Variants in ROBO1 observed in about 807,000 individuals in gnomAD.
ROBO1 encodes the protein roundabout homolog 1.
ROBO1 carries 149 observed loss-of-function variants against 195.9 expected under a neutral mutation model. That is an observed-to-expected ratio of 0.76 (90% CI 0.67 to 0.87). The LOEUF is 0.87. ROBO1 is among the 40% of genes least tolerant of loss of function. The pLI is 0.00. For missense variants in ROBO1, 1,933 were observed against 2,068.3 expected (o/e 0.93, Z 1.27); for synonymous variants, 816 against 733.2 (o/e 1.11, Z -1.82).
intron 2 of ROBO1, among the ~76,000 whole-genome samples, chr3:79,286,533 A>G (rs145673735): frequency 9.6e-4 from 146 of 152,268 alleles, no homozygotes; most frequent in Middle Eastern, 3.4e-3. Context: ...CTGGAAGCTT[A>G]TTTCTACTCA....
chr3:79,013,165 G>A (rs1344251679), intron 3 of ROBO1, among the ~76,000 whole-genome samples: 1 of 152,060 alleles, frequency 6.6e-6, no homozygotes, highest in African/African-American at 2.4e-5. Context: ...AACCACAGGG[G>A]AAATGATTGT....
At chr3:79,635,615 G>T (rs1560057866) in intron 1 of ROBO1, among the ~76,000 whole-genome samples, 1 of 152,090 alleles carries the variant, frequency 6.6e-6, no homozygotes, top group African/African-American at 2.4e-5. Context: ...GTGAAAGAAA[G>T]TTATTTTCCT....
intron 2 of ROBO1, among the ~76,000 whole-genome samples, chr3:79,238,852 G>T (rs937245600): frequency 5.9e-5 from 9 of 152,130 alleles, no homozygotes; most frequent in African/African-American, 2.2e-4. Context: ...TTTAGATTCT[G>T]TTTTCTGTCA....
At chr3:79,251,664 T>C (rs1161104150) in intron 2 of ROBO1, among the ~76,000 whole-genome samples, 1 of 152,010 alleles carries the variant, frequency 6.6e-6, no homozygotes, top group Non-Finnish European at 1.5e-5. Context: ...GGCAGGAGAA[T>C]CCCTTGAACC....
chr3:79,716,913 A>G (rs1220950696), intron 1 of ROBO1, among the ~76,000 whole-genome samples: 1 of 152,016 alleles, frequency 6.6e-6, no homozygotes, highest in Non-Finnish European at 1.5e-5. Context: ...AATAAACTAT[A>G]TAAATATTAC....
At chr3:79,452,328 A>G (rs184240394) in intron 2 of ROBO1, among the ~76,000 whole-genome samples, 1 of 152,108 alleles carries the variant, frequency 6.6e-6, no homozygotes, top group Admixed American at 6.6e-5. Flanking sequence ...CACCACTCAT[A>G]TCCACTTTCA....
intron 3 of ROBO1, among the ~76,000 whole-genome samples, chr3:79,123,224 T>G (rs979455821): frequency 6.6e-6 from 1 of 151,962 alleles, no homozygotes; most frequent in Non-Finnish European, 1.5e-5. Context: ...CCTGGACAGA[T>G]AGGCCATCTC....
intron 29 of ROBO1, among the ~76,000 whole-genome samples, chr3:78,603,499 G>GCTT (rs1249493774): frequency 6.6e-6 from 1 of 152,014 alleles, no homozygotes; most frequent in East Asian, 1.9e-4. Flanking sequence ...CAAGGTTTAT[G>GCTT]CTTATACATA....
intron 3 of ROBO1, among the ~76,000 whole-genome samples, chr3:79,009,893 G>A (rs1367440922): frequency 6.6e-6 from 1 of 152,108 alleles, no homozygotes; most frequent in East Asian, 1.9e-4. Context: ...TCTCTCTAAG[G>A]ACAATTCTAC....
chr3:79,642,397 A>G (rs923065361), intron 1 of ROBO1, among the ~76,000 whole-genome samples: 1 of 152,196 alleles, frequency 6.6e-6, no homozygotes, highest in Non-Finnish European at 1.5e-5. Context: ...AAACTTGAGA[A>G]AGAGATAAAT....
chr3:78,777,530 T>A (rs2083541665), intron 4 of ROBO1, among the ~76,000 whole-genome samples: 2 of 152,178 alleles, frequency 1.3e-5, no homozygotes, highest in South Asian at 4.1e-4. Context: ...TTCATATTTG[T>A]TTGTAGTTGA....
intron 1 of ROBO1, among the ~76,000 whole-genome samples, chr3:79,688,742 C>G (rs1947210627): frequency 1.3e-5 from 2 of 151,896 alleles, no homozygotes; most frequent in Non-Finnish European, 2.9e-5. Context: ...TTGGGACTGA[C>G]AGAAGTTTTA....
intron 2 of ROBO1, among the ~76,000 whole-genome samples, chr3:79,129,977 G>C (rs1287187262): frequency 8.6e-6 from 1 of 116,524 alleles, no homozygotes; most frequent in South Asian, 3.4e-4. Flanking sequence ...GTTTGTCAAA[G>C]ATCAGATAGT....
At chr3:78,849,125 G>T (rs1036224033) in intron 4 of ROBO1, among the ~76,000 whole-genome samples, 3 of 152,146 alleles carry the variant, frequency 2.0e-5, no homozygotes, top group Non-Finnish European at 2.9e-5. Flanking sequence ...GGAATTCCGT[G>T]AGTGGAGTAG....
intron 2 of ROBO1, among the ~76,000 whole-genome samples, chr3:79,560,517 A>T (rs1330236431): frequency 7.2e-6 from 1 of 138,324 alleles, no homozygotes; most frequent in Admixed American, 7.4e-5. Context: ...CCTAAAACTT[A>T]AAGTATAATA....
chr3:78,947,049 C>T (rs955508016), intron 3 of ROBO1, among the ~76,000 whole-genome samples: 24 of 152,162 alleles, frequency 1.6e-4, no homozygotes, highest in Admixed American at 6.5e-4. Context: ...TACAAAGAGA[C>T]TTAGACTCCC....
intron 1 of ROBO1, among the ~76,000 whole-genome samples, chr3:79,722,897 T>C (rs1247746986): frequency 6.6e-6 from 1 of 152,134 alleles, no homozygotes; most frequent in Non-Finnish European, 1.5e-5. Flanking sequence ...ATATGCCCAG[T>C]CTGGAGAATA....
At chr3:78,892,091 C>T (rs532992262) in intron 4 of ROBO1, among the ~76,000 whole-genome samples, 10 of 152,194 alleles carry the variant, frequency 6.6e-5, no homozygotes, top group Admixed American at 3.3e-4. Flanking sequence ...AAATGCGGGC[C>T]GTGCACGCCT....
chr3:78,859,338 A>G (rs1471338678), intron 4 of ROBO1, among the ~76,000 whole-genome samples: 1 of 152,244 alleles, frequency 6.6e-6, no homozygotes, highest in African/African-American at 2.4e-5. Context: ...TTTTAAAAGA[A>G]ATTATGGAAT....
Sources: gnomAD v4.1 joint callset for allele counts (sites outside exome capture counted in the v4.1 genomes callset) on GRCh38, gnomAD v4.1.1 for gene constraint, MANE v1.5 for transcripts, NCBI Gene and HGNC (gene_info 2026-07-23, HGNC 2026-07-21) for gene names.